Variants in AFG2A observed in about 807,000 individuals in gnomAD.
The protein encoded by AFG2A is ATPase family gene 2 protein homolog A.
At chr4:123,314,579 A>G in the AFG2A span, 2 of 152,216 alleles carry the variant, frequency 1.3e-5, no homozygotes, top group Non-Finnish European at 1.5e-5. Flanking sequence ...TCAAATATAC[A>G]TATATGTGTT....
At chr4:122,927,080 C>T in the AFG2A span, among the ~76,000 whole-genome samples, 1 of 152,064 alleles carries the variant, frequency 6.6e-6, no homozygotes, top group Non-Finnish European at 1.5e-5. Context: ...TGTTAACTGG[C>T]CTGAATTCTG....
the AFG2A span, among the ~76,000 whole-genome samples, chr4:123,022,841 A>T: frequency 6.6e-6 from 1 of 152,088 alleles, no homozygotes; most frequent in Non-Finnish European, 1.5e-5. Flanking sequence ...TACACCATGG[A>T]ATACTATGCA....
chr4:122,975,622 C>G, the AFG2A span, among the ~76,000 whole-genome samples: 1 of 152,098 alleles, frequency 6.6e-6, no homozygotes, highest in African/African-American at 2.4e-5. Context: ...GGCTACCTGA[C>G]ACCTGAGCCT....
the AFG2A span, among the ~76,000 whole-genome samples, chr4:123,203,474 C>T: frequency 1.1e-4 from 16 of 152,204 alleles, no homozygotes; most frequent in Admixed American, 9.2e-4. Context: ...AGGCACCCAC[C>T]ACCGTGTTGG....
chr4:123,110,961 T>A, the AFG2A span, among the ~76,000 whole-genome samples: 1 of 152,228 alleles, frequency 6.6e-6, no homozygotes, highest in Non-Finnish European at 1.5e-5. Flanking sequence ...TTTTTATCCA[T>A]ACTTTATTTA....
chr4:123,042,545 C>T, the AFG2A span, among the ~76,000 whole-genome samples: 3 of 152,128 alleles, frequency 2.0e-5, no homozygotes, highest in Non-Finnish European at 4.4e-5. Context: ...AAGGTGGTCT[C>T]GTTTTCATCA....
At chr4:123,162,644 G>T in the AFG2A span, among the ~76,000 whole-genome samples, 3,424 of 152,092 alleles carry the variant, frequency 0.023, 136 homozygotes, top group African/African-American at 0.076. Context: ...GGAAGTTTAG[G>T]TTACCTATGT....
the AFG2A span, among the ~76,000 whole-genome samples, chr4:123,157,852 T>C: frequency 6.6e-6 from 1 of 152,178 alleles, no homozygotes. Flanking sequence ...ATGAAATATG[T>C]TATTGTTAAA....
chr4:123,075,172 C>T, the AFG2A span, among the ~76,000 whole-genome samples: 73 of 151,994 alleles, frequency 4.8e-4, no homozygotes, highest in Admixed American at 1.3e-4. Context: ...TCTCGAACTC[C>T]TGACTTTGTG....
chr4:122,945,968 A>G, the AFG2A span, among the ~76,000 whole-genome samples: 5 of 152,142 alleles, frequency 3.3e-5, no homozygotes, highest in Non-Finnish European at 5.9e-5. Context: ...GTCTTGGAAC[A>G]GTACCTAGGA....
the AFG2A span, among the ~76,000 whole-genome samples, chr4:123,049,567 G>A: frequency 5.3e-5 from 8 of 151,850 alleles, no homozygotes; most frequent in South Asian, 2.1e-4. Flanking sequence ...GTCTTGGTAA[G>A]TTGTGTCCAG....
chr4:123,309,978 A>G, the AFG2A span, among the ~76,000 whole-genome samples: 2 of 152,210 alleles, frequency 1.3e-5, no homozygotes, highest in Non-Finnish European at 2.9e-5. Context: ...ATATTATATC[A>G]TATCTTGGAA....
chr4:123,168,416 A>G, the AFG2A span, among the ~76,000 whole-genome samples: 1 of 152,170 alleles, frequency 6.6e-6, no homozygotes, highest in Non-Finnish European at 1.5e-5. Flanking sequence ...CTCTGAGTTC[A>G]ATAAGAAGAA....
chr4:123,192,004 A>G, the AFG2A span, among the ~76,000 whole-genome samples: 1 of 151,056 alleles, frequency 6.6e-6, no homozygotes. Flanking sequence ...CCTTCAGTAC[A>G]CACAAAATCA....
chr4:122,947,885 G>C, the AFG2A span, among the ~76,000 whole-genome samples: 4 of 152,142 alleles, frequency 2.6e-5, no homozygotes, highest in African/African-American at 9.7e-5. Flanking sequence ...ATGAGGGCTT[G>C]AACTGCATGG....
At chr4:122,976,962 G>C in the AFG2A span, among the ~76,000 whole-genome samples, 1 of 151,914 alleles carries the variant, frequency 6.6e-6, no homozygotes, top group Non-Finnish European at 1.5e-5. Context: ...TTAAGTATTT[G>C]TCATATTTTC....
At chr4:123,078,332 A>G in the AFG2A span, among the ~76,000 whole-genome samples, 3 of 152,158 alleles carry the variant, frequency 2.0e-5, no homozygotes. Flanking sequence ...TCATAGTTCA[A>G]CCTTAATGAA....
At chr4:123,022,021 T>C in the AFG2A span, among the ~76,000 whole-genome samples, 1 of 151,140 alleles carries the variant, frequency 6.6e-6, no homozygotes, top group African/African-American at 2.4e-5. Flanking sequence ...CCTTACGCCT[T>C]ATACAAAAAT....
At chr4:122,933,747 C>T in the AFG2A span, among the ~76,000 whole-genome samples, 1 of 152,124 alleles carries the variant, frequency 6.6e-6, no homozygotes, top group Non-Finnish European at 1.5e-5. Flanking sequence ...AGACTTTTAA[C>T]CTTTGCATTC....
Sources: gnomAD v4.1 joint callset for allele counts (sites outside exome capture counted in the v4.1 genomes callset) on GRCh38, gnomAD v4.1.1 for gene constraint, MANE v1.5 for transcripts, NCBI Gene and HGNC (gene_info 2026-07-23, HGNC 2026-07-21) for gene names.